Variants in TTC39C observed in about 807,000 individuals in gnomAD.
TTC39C encodes the protein tetratricopeptide repeat protein 39C.
Under a neutral mutation model 76.3 loss-of-function variants are expected in TTC39C, and 33 were observed. That is an observed-to-expected ratio of 0.43 (90% CI 0.33 to 0.58). TTC39C has a LOEUF of 0.58. Ranked by LOEUF, TTC39C falls within the 20% of genes least tolerant of loss-of-function variation. The pLI is 0.04. For missense variants in TTC39C, 595 were observed against 701.4 expected, an observed-to-expected ratio of 0.85 and a Z score of 1.71; for synonymous variants, 254 against 260.6, an observed-to-expected ratio of 0.97 and a Z score of 0.24.
At chr18:24,029,564 A>T in intron 1 of TTC39C, among the ~76,000 whole-genome samples, 1 of 152,182 alleles carries the variant, frequency 6.6e-6, no homozygotes, top group East Asian at 1.9e-4. Flanking sequence ...TACATGGATA[A>T]GTTATTTAGT....
At chr18:24,019,088 A>G (rs2083489697) in intron 1 of TTC39C, among the ~76,000 whole-genome samples, 1 of 152,060 alleles carries the variant, frequency 6.6e-6, no homozygotes, top group Admixed American at 6.6e-5. Flanking sequence ...TTGACATATT[A>G]CTTTTTAACA....
Position 24,080,832 on chromosome 18 carries a change from C to G in TTC39C, c.708C>G (p.Asn236Lys), listed in dbSNP as rs1268846010. Residue 236 changes from asparagine (N) to lysine (K), a missense_variant, in exon 5 of 14, where the codon AAC becomes AAG. Asn to Lys is a moderately conservative substitution (Grantham distance 94). Transcript: ENST00000317571. ...FHLCISMVPP[N>K]LLKIINLLGF... ...TTTGCATATCCATGGTGCCCCCAAACCTGCTCAAAATCATCAACCTGCTGG... is the reference window on the plus strand; with the variant it reads ...TTTGCATATCCATGGTGCCCCCAAAGCTGCTCAAAATCATCAACCTGCTGG... 6.2e-7 allele frequency: 1 copy of G among 1,614,132 alleles called. No homozygotes were observed.
intron 3 of TTC39C, among the ~76,000 whole-genome samples, chr18:24,066,490 G>A (rs1949757840): frequency 6.6e-6 from 1 of 152,140 alleles, no homozygotes; most frequent in Non-Finnish European, 1.5e-5. Context: ...GTGTAATTCT[G>A]GAATTCAGCT....
intron 11 of TTC39C, 124 bp downstream of exon 11, chr18:24,129,107 A>T (rs1042551474): frequency 2.0e-5 from 12 of 597,994 alleles, no homozygotes; most frequent in African/African-American, 1.5e-4. Flanking sequence ...ACTTTATCCA[A>T]TTATTTGATT....
chr18:24,125,444 G>A lies in TTC39C; in HGVS notation c.1314G>A (p.Lys438=). Residue 438 remains lysine, a synonymous_variant, in exon 10 of 14, where the codon AAG becomes AAA. Coordinates refer to ENST00000317571, the MANE Select transcript of TTC39C (RefSeq NM_001135993.2). The part of the protein sequence containing the change: ...FSVKKAERFR[K]QTPTKALCVL... Reference sequence around the variant, plus strand: ...CCTTGCAGGCAGAGCGATTTCGGAAGCAAACCCCAACCAAAGCGCTCTGTG... The same window carrying A: ...CCTTGCAGGCAGAGCGATTTCGGAAACAAACCCCAACCAAAGCGCTCTGTG... 1 of 1,614,152 alleles carries A rather than the reference G, an allele frequency of 6.2e-7. No individual in the cohort carries two copies. Among genetic ancestry groups the A allele is most frequent in the Non-Finnish European group, 8.5e-7 (1 of 1,180,012 alleles).
chr18:24,107,604 T>TTAAGA (rs2084761298), intron 6 of TTC39C, among the ~76,000 whole-genome samples: 3 of 152,188 alleles, frequency 2.0e-5, no homozygotes, highest in Admixed American at 2.0e-4. Context: ...TGCCACCGTG[T>TTAAGA]TAAGATGTTC....
chr18:24,028,171 G>A (rs1009828077), intron 1 of TTC39C, among the ~76,000 whole-genome samples: 11 of 152,214 alleles, frequency 7.2e-5, no homozygotes, highest in African/African-American at 9.7e-5. Context: ...GGAAAGGGCC[G>A]TGGTATAGGG....
chr18:24,042,429 G>C (rs928802367), intron 1 of TTC39C, among the ~76,000 whole-genome samples: 1 of 152,082 alleles, frequency 6.6e-6, no homozygotes, highest in African/African-American at 2.4e-5. Flanking sequence ...AGTAGGGTTC[G>C]CGTTCTTAGG....
intron 1 of TTC39C, among the ~76,000 whole-genome samples, chr18:24,031,989 C>T (rs982507064): frequency 1.3e-5 from 2 of 152,068 alleles, no homozygotes; most frequent in Non-Finnish European, 2.9e-5. Flanking sequence ...TTTACACACA[C>T]GCAGAAGGTG....
chr18:24,119,469 T>C (rs2084938422), intron 8 of TTC39C, among the ~76,000 whole-genome samples: 1 of 152,212 alleles, frequency 6.6e-6, no homozygotes, highest in Non-Finnish European at 1.5e-5. Flanking sequence ...CTGATCTATA[T>C]AAAATAAGAT....
At chr18:24,119,963 TC>T (rs11429659) in intron 8 of TTC39C, among the ~76,000 whole-genome samples, 39,215 of 146,904 alleles carry the variant, frequency 0.27, 7,082 homozygotes, top group African/African-American at 0.5. Flanking sequence ...GAACATTAAT[TC>T]CCCCCCCCCA....
intron 1 of TTC39C, among the ~76,000 whole-genome samples, chr18:24,030,978 C>T (rs1021981788): frequency 6.6e-6 from 1 of 150,802 alleles, no homozygotes; most frequent in Admixed American, 6.6e-5. Context: ...GGGTCTTACT[C>T]TGTTGCCCAG....
At chr18:24,121,596 A>G (rs1047023347) in intron 8 of TTC39C, among the ~76,000 whole-genome samples, 4 of 152,118 alleles carry the variant, frequency 2.6e-5, no homozygotes, top group Non-Finnish European at 4.4e-5. Flanking sequence ...AAATCTATCT[A>G]TAATTTTACT....
In TTC39C at chr18:24,014,806, G is replaced by C; in HGVS notation, c.-66G>C. The C allele has an allele frequency of 2.5e-6, 3 of 1,197,030 alleles. No individual in the cohort carries two copies. Among genetic ancestry groups the C allele is most frequent in the Non-Finnish European group, 3.1e-6 (3 of 960,428 alleles). 74.2% of individuals were successfully genotyped at this position (1,197,030 alleles called of 1,614,324 possible). A position where few individuals can be genotyped will look rare whatever the true frequency, so the allele number is the denominator to read the frequency against. On this transcript the variant is annotated 5_prime_UTR_variant, in exon 1 of 14. Transcript: ENST00000317571. The stretch of plus-strand genomic sequence containing the variant: ...CCGGGCAGGTAGAGCCGGGCTCCGG[G>C]CGCGCGCGGGGCCGCAGCAGCTGCT...
At chr18:24,015,814 G>A (rs189016673) in intron 1 of TTC39C, among the ~76,000 whole-genome samples, 1 of 152,320 alleles carries the variant, frequency 6.6e-6, no homozygotes, top group Non-Finnish European at 1.5e-5. Context: ...TAAAGCGAAA[G>A]AACTGAAACC....
chr18:24,116,051 G>A (rs541031302), intron 7 of TTC39C, among the ~76,000 whole-genome samples: 7 of 152,238 alleles, frequency 4.6e-5, no homozygotes, highest in Non-Finnish European at 1.0e-4. Context: ...TCGGGCTTCC[G>A]ATTCAGGCTC....
At chr18:24,075,486 C>A (rs2084292807) in intron 4 of TTC39C, among the ~76,000 whole-genome samples, 1 of 151,810 alleles carries the variant, frequency 6.6e-6, no homozygotes, top group Non-Finnish European at 1.5e-5. Flanking sequence ...GAGTTTGAGA[C>A]CAGCCTGGGC....
intron 7 of TTC39C, among the ~76,000 whole-genome samples, chr18:24,117,058 TCCTC>T (rs2084903057): frequency 6.6e-6 from 1 of 151,934 alleles, no homozygotes; most frequent in South Asian, 2.1e-4. Context: ...GCTCAAGCGA[TCCTC>T]CCACCTCAGC....
chr18:24,065,949 A>G (rs2084160606), intron 2 of TTC39C, 63 bp from the exon 3 acceptor site: 9 of 1,469,260 alleles, frequency 6.1e-6, no homozygotes, highest in Non-Finnish European at 8.1e-6. Flanking sequence ...TTTTCTTGTA[A>G]TAAGTTGGCT....
Sources: gnomAD v4.1 joint callset for allele counts (sites outside exome capture counted in the v4.1 genomes callset) on GRCh38, gnomAD v4.1.1 for gene constraint, MANE v1.5 for transcripts, NCBI Gene and HGNC (gene_info 2026-07-23, HGNC 2026-07-21) for gene names.